TSC2: variants seen among roughly 807,000 people sequenced by gnomAD.
TSC2 encodes the protein tuberin.
A neutral mutation model predicts 202.2 loss-of-function variants in TSC2; 29 were observed. The observed-to-expected ratio is 0.14, with a 90% CI of 0.11 to 0.20. TSC2 has a LOEUF of 0.20. Among genes scored for constraint, TSC2 ranks in the 10% least tolerant of loss-of-function variants. The pLI is 1.00. For synonymous variants in TSC2, 1,349 were observed against 1,044.0 expected, an observed-to-expected ratio of 1.29 and a Z score of -5.63; for missense variants, 2,429 against 2,420.0, an observed-to-expected ratio of 1.00 and a Z score of -0.08.
intron 5 of TSC2, chr16:2,055,155 G>A (rs772593238): frequency 4.8e-4 from 278 of 581,112 alleles, no homozygotes; most frequent in Admixed American, 1.2e-3. Context: ...TTCTGCTGCC[G>A]CCTCGGCACA....
In TSC2 at chr16:2,050,484, G is replaced by C. The variant is rs145470784; in HGVS notation, c.223G>C (p.Glu75Gln). The change falls in exon 3 of 42, where the codon GAG (glutamate) becomes CAG (glutamine). Residue 75 changes from glutamate to glutamine, a missense_variant and splice_region_variant. Glu to Gln is a conservative substitution (Grantham distance 29). Transcript: ENST00000219476. ...AGTCGCAAAAACCAAGAAATTTGAA[G>C]AGGTAGGTTTATCCAGTTGAGCTAC... ...CEVAKTKKFE[E>Q]HAVEALWKAV... 6.2e-7 allele frequency: 1 copy of C among 1,613,534 alleles called. No homozygotes were observed. The highest frequency in any genetic ancestry group is 8.5e-7 in the Non-Finnish European group (1 of 1,179,706).
At chr16:2,059,359 T>TTTG (rs2086323904) in intron 10 of TSC2, among the ~76,000 whole-genome samples, 1 of 148,246 alleles carries the variant, frequency 6.7e-6, no homozygotes, top group African/African-American at 2.5e-5. Flanking sequence ...TTTTTTTTTT[T>TTTG]GAGACAGAGT....
At chr16:2,056,171 G>A in intron 6 of TSC2, 25 bp from the exon 7 acceptor site, 1 of 1,613,560 alleles carries the variant, frequency 6.2e-7, no homozygotes, top group Non-Finnish European at 8.5e-7. Context: ...AGTGCTGCCG[G>A]GACTGAGCTC....
intron 9 of TSC2, 147 bp downstream of exon 9, chr16:2,057,325 A>G (rs2085994295): frequency 6.5e-6 from 6 of 918,362 alleles, no homozygotes; most frequent in South Asian, 3.0e-5. Flanking sequence ...AGCGAGGCCC[A>G]TGACTTCTAG....
chr16:2,064,226 G>A (rs373738645), intron 14 of TSC2, 46 bp from the exon 15 acceptor site: 143 of 1,613,452 alleles, frequency 8.9e-5, no homozygotes, highest in Non-Finnish European at 1.2e-4. Context: ...ACGAGATGTG[G>A]CCCTCGTTGG....
In TSC2 at chr16:2,071,620, C is replaced by T. The variant is rs752017577; in HGVS notation, c.1946+4C>T. The T allele has an allele frequency of 8.7e-6, 14 of 1,613,258 alleles. No individual in the cohort carries two copies. Among genetic ancestry groups the T allele is most frequent in the African/African-American group, 1.3e-5 (1 of 75,066 alleles). On this transcript the variant is annotated splice_donor_region_variant and intron_variant, in intron 18 of 41. Coordinates refer to ENST00000219476, the MANE Select transcript of TSC2 (RefSeq NM_000548.5). ...CCTACTGCGTCTGCGACTACATGTA[C>T]GCGGGACCTCGCCCACGGCCCATGA... is the stretch of plus-strand genomic sequence containing the variant.
At chr16:2,056,294 G>A in intron 7 of TSC2, 50 bp downstream of exon 7, 1 of 1,612,082 alleles carries the variant, frequency 6.2e-7, no homozygotes, top group Middle Eastern at 1.7e-4. Context: ...TGGTTTCTGG[G>A]AGGCTGGGGC....
chr16:2,074,003 G>T (rs1050232288), intron 21 of TSC2, among the ~76,000 whole-genome samples, 197 bp from the exon 22 acceptor site: 3 of 152,264 alleles, frequency 2.0e-5, no homozygotes, highest in Non-Finnish European at 4.4e-5. Context: ...GGATCGTGTC[G>T]GAATGCAACT....
Position 2,071,494 on chromosome 16 carries a change from A to G in TSC2, c.1840-16A>G, listed in dbSNP as rs200933920. ...CACGAGCTTGGCTCTGGCTTTCACC[A>G]TCCTCTTCCTGACAGGCCTTTGACT... On this transcript the variant is annotated splice_polypyrimidine_tract_variant and intron_variant, in intron 17 of 41. Transcript: ENST00000219476. The G allele has an allele frequency of 1.1e-5, 18 of 1,613,276 alleles. No individual in the cohort carries two copies. The highest frequency in any genetic ancestry group is 1.5e-5 in the Non-Finnish European group (18 of 1,179,928).
rs1596426554 is a variant in TSC2 at position 2,085,236 on chromosome 16, T to G, written c.4576T>G (p.Ser1526Ala). 1 of 1,612,680 alleles carries G rather than the reference T, an allele frequency of 6.2e-7. No individual in the cohort carries two copies. The highest frequency in any genetic ancestry group is 8.5e-7 in the Non-Finnish European group (1 of 1,179,934). Reference sequence around the variant, plus strand: ...AGGGCTCTGTGTGCCACAGTCACAGTCCTTTGAGCGGTCGGTGCAGCTCCT... The same window carrying G: ...AGGGCTCTGTGTGCCACAGTCACAGGCCTTTGAGCGGTCGGTGCAGCTCCT... Reference protein sequence around the residue: ...KPILLPNESQSFERSVQLLDQ... With the variant: ...KPILLPNESQAFERSVQLLDQ... Residue 1526 changes from serine (S) to alanine (A), a missense_variant, in exon 36 of 42, where the codon TCC (serine) becomes GCC (alanine). Coordinates refer to ENST00000219476, the MANE Select transcript of TSC2 (RefSeq NM_000548.5).
intron 3 of TSC2, 148 bp from the exon 4 acceptor site, chr16:2,053,194 C>T: frequency 1.3e-6 from 1 of 793,098 alleles, no homozygotes; most frequent in East Asian, 2.7e-5. Flanking sequence ...CTGCAGGAGA[C>T]ACAGGAGATA....
At chr16:2,084,841 C>G in intron 34 of TSC2, 110 bp from the exon 35 acceptor site, 1 of 1,600,802 alleles carries the variant, frequency 6.2e-7, no homozygotes, top group Non-Finnish European at 8.5e-7. Flanking sequence ...GCTGGAACCC[C>G]TGGGAGGGCG....
In TSC2 at chr16:2,072,238, C is replaced by T. The variant is rs876660489; in HGVS notation, c.2098-3C>T. On this transcript the variant is annotated splice_polypyrimidine_tract_variant and splice_region_variant and intron_variant, in intron 19 of 41. Coordinates refer to ENST00000219476, the MANE Select transcript of TSC2 (RefSeq NM_000548.5). The stretch of plus-strand genomic sequence containing the variant: ...CCTGTCCTGACGCCTCCTCTCCTCG[C>T]AGGAGTCTGACTGGAAGGTGCTGAA... The T allele has an allele frequency of 1.2e-6, 2 of 1,614,062 alleles. No individual in the cohort carries two copies. The highest frequency in any genetic ancestry group is 1.7e-6 in the Non-Finnish European group (2 of 1,180,054).
intron 22 of TSC2, chr16:2,074,880 A>G (rs2089052834): frequency 1.3e-5 from 3 of 231,498 alleles, no homozygotes; most frequent in East Asian, 1.0e-4. Flanking sequence ...GGCCACATGC[A>G]GGTCCTGTCG....
rs45517303 is a variant in TSC2, at chr16:2,081,567, C to A, written c.3611-28C>A. The stretch of plus-strand genomic sequence containing the variant: ...GATGGGTAAGGGGAGGTACTGGCCT[C>A]AGGCCAAAGGTGCTGCCGCCTCCGC... On this transcript the variant is annotated intron_variant, in intron 30 of 41. Transcript: ENST00000219476. 6.2e-7 allele frequency: 1 copy of A among 1,612,704 alleles called. No homozygotes were observed. Among genetic ancestry groups the A allele is most frequent in the Non-Finnish European group, 8.5e-7 (1 of 1,179,852 alleles).
intron 6 of TSC2, 112 bp downstream of exon 6, chr16:2,055,631 G>A (rs1222661867): frequency 2.2e-5 from 23 of 1,043,000 alleles, no homozygotes; most frequent in Non-Finnish European, 3.0e-5. Flanking sequence ...AATGGCTCAC[G>A]CCTGTAATCT....
chr16:2,083,678 C>G lies in TSC2; in HGVS notation c.3884-17C>G, dbSNP rs45517317. On this transcript the variant is annotated splice_polypyrimidine_tract_variant and intron_variant, in intron 32 of 41. Coordinates refer to ENST00000219476, the MANE Select transcript of TSC2 (RefSeq NM_000548.5). ...GGCCCAGCCCCACATCCAGCAGCCC[C>G]GTCTGTGTCCTCCCAGACTCCGCCG... 9.0e-4 allele frequency: 1,407 copies of G among 1,569,834 alleles called. No homozygotes were observed. Among genetic ancestry groups the G allele is most frequent in the Non-Finnish European group, 1.1e-3 (1,323 of 1,157,912 alleles).
intron 16 of TSC2, among the ~76,000 whole-genome samples, chr16:2,069,454 T>C (rs1441896583): frequency 6.6e-6 from 1 of 151,228 alleles, no homozygotes; most frequent in Non-Finnish European, 1.5e-5. Context: ...GTAGCTGGGA[T>C]TTACAGGCAT....
At chr16:2,086,663 G>A in intron 37 of TSC2, 69 bp from the exon 38 acceptor site, 1 of 1,596,206 alleles carries the variant, frequency 6.3e-7, no homozygotes, top group Non-Finnish European at 8.5e-7. Context: ...ATCAGGAGGT[G>A]CCCCAGTGCA....
Sources: allele counts gnomAD v4.1 joint callset (sites outside exome capture counted in the v4.1 genomes callset), GRCh38; gene constraint gnomAD v4.1.1; transcripts MANE v1.5; gene names NCBI Gene and HGNC (gene_info 2026-07-23, HGNC 2026-07-21).